The following SDK1 variants were observed in gnomAD, a reference collection of about 807,000 sequenced individuals.
The protein encoded by SDK1 is sidekick cell adhesion molecule 1.
Under a neutral mutation model 245.5 loss-of-function variants are expected in SDK1, and 157 were observed. The ratio of observed to expected loss-of-function variants is 0.64; its 90% CI spans 0.56 to 0.73. The LOEUF is 0.73. Among genes scored for constraint, SDK1 ranks in the 30% least tolerant of loss-of-function variants. The pLI is 0.00. For synonymous variants in SDK1, 1,647 were observed against 1,278.5 expected (o/e 1.29, Z -6.15); for missense variants, 3,583 against 3,002.3 (o/e 1.19, Z -4.52).
chr7:3,828,731 A>G (rs1029967418), intron 5 of SDK1, among the ~76,000 whole-genome samples: 1 of 144,526 alleles, frequency 6.9e-6, no homozygotes, highest in African/African-American at 2.6e-5. Context: ...GGCTCACTGC[A>G]GCCTCTAACT....
chr7:3,558,303 C>G (rs532095876), intron 1 of SDK1, among the ~76,000 whole-genome samples: 8 of 152,302 alleles, frequency 5.3e-5, no homozygotes, highest in African/African-American at 1.9e-4. Context: ...GAGTTTGGAA[C>G]CTAGGACACA....
intron 1 of SDK1, among the ~76,000 whole-genome samples, chr7:3,316,051 T>C (rs1349867192): frequency 1.3e-5 from 2 of 152,170 alleles, no homozygotes; most frequent in East Asian, 3.8e-4. Context: ...AACTCTAATA[T>C]AGAGTCAATT....
chr7:3,997,805 C>T (rs1022617936), intron 14 of SDK1, among the ~76,000 whole-genome samples: 1 of 152,148 alleles, frequency 6.6e-6, no homozygotes, highest in Non-Finnish European at 1.5e-5. Context: ...GGTGGGGCCT[C>T]ACCGGAGACC....
At chr7:3,661,924 G>T (rs1018016477) in intron 4 of SDK1, among the ~76,000 whole-genome samples, 9 of 151,998 alleles carry the variant, frequency 5.9e-5, no homozygotes, top group African/African-American at 1.7e-4. Flanking sequence ...AACTCTAGAG[G>T]GCTTAGACTA....
chr7:4,143,207 G>C (rs1225925004), intron 28 of SDK1, among the ~76,000 whole-genome samples: 1 of 152,140 alleles, frequency 6.6e-6, no homozygotes, highest in African/African-American at 2.4e-5. Context: ...GGGGCCTAAG[G>C]CACCACGCCC....
intron 1 of SDK1, among the ~76,000 whole-genome samples, chr7:3,519,752 A>T (rs1402876964): frequency 6.6e-6 from 1 of 152,190 alleles, no homozygotes. Flanking sequence ...GGTTATCATT[A>T]AATAAGAGGA....
At chr7:3,644,588 AC>A (rs1782761646) in intron 4 of SDK1, among the ~76,000 whole-genome samples, 1 of 150,788 alleles carries the variant, frequency 6.6e-6, no homozygotes, top group African/African-American at 2.4e-5. Context: ...ACATACTGAA[AC>A]CTTATCTCTA....
At chr7:4,241,414 C>T (rs1296679887) in intron 42 of SDK1, among the ~76,000 whole-genome samples, 3 of 152,116 alleles carry the variant, frequency 2.0e-5, no homozygotes, top group African/African-American at 7.2e-5. Context: ...GTGGAAGGAT[C>T]ACTTGAGCCC....
intron 2 of SDK1, among the ~76,000 whole-genome samples, chr7:3,636,545 T>C (rs1441544283): frequency 6.6e-6 from 1 of 152,240 alleles, no homozygotes; most frequent in African/African-American, 2.4e-5. Flanking sequence ...GATTTCCTTC[T>C]TTTTAAGACT....
At chr7:3,722,307 C>G (rs1778835422) in intron 4 of SDK1, among the ~76,000 whole-genome samples, 1 of 152,146 alleles carries the variant, frequency 6.6e-6, no homozygotes, top group Non-Finnish European at 1.5e-5. Flanking sequence ...ACAGGAGCCC[C>G]AAGAACAGTC....
At chr7:3,672,789 AT>A (rs1408521637) in intron 4 of SDK1, among the ~76,000 whole-genome samples, 1,374 of 106,494 alleles carry the variant, frequency 0.013, 27 homozygotes, top group South Asian at 0.027. Context: ...ATATATATAT[AT>A]ATATAAAAAA....
chr7:3,596,613 C>G (rs1175713407), intron 1 of SDK1, among the ~76,000 whole-genome samples: 1 of 152,230 alleles, frequency 6.6e-6, no homozygotes, highest in Non-Finnish European at 1.5e-5. Flanking sequence ...TCCAATTAAT[C>G]TCCATCCCTG....
intron 11 of SDK1, among the ~76,000 whole-genome samples, chr7:3,969,864 C>A (rs1198615948): frequency 1.3e-5 from 2 of 152,164 alleles, no homozygotes; most frequent in African/African-American, 4.8e-5. Context: ...TAGGAGTGAA[C>A]TGAAAGAAAA....
At chr7:3,929,782 T>G (rs1779908429) in intron 5 of SDK1, among the ~76,000 whole-genome samples, 1 of 151,508 alleles carries the variant, frequency 6.6e-6, no homozygotes, top group Non-Finnish European at 1.5e-5. Context: ...GGTGGAGAGG[T>G]GTATTAGCTG....
At chr7:3,704,162 T>C (rs921664018) in intron 4 of SDK1, among the ~76,000 whole-genome samples, 2 of 152,190 alleles carry the variant, frequency 1.3e-5, no homozygotes, top group Non-Finnish European at 2.9e-5. Context: ...TATTCCTGAG[T>C]TACTTCACTT....
intron 1 of SDK1, among the ~76,000 whole-genome samples, chr7:3,323,095 C>T (rs1779857353): frequency 6.6e-6 from 1 of 152,156 alleles, no homozygotes; most frequent in African/African-American, 2.4e-5. Context: ...AACCAATGCA[C>T]CAGACCAGGT....
intron 14 of SDK1, among the ~76,000 whole-genome samples, chr7:4,004,904 T>C (rs973244025): frequency 1.3e-5 from 2 of 152,098 alleles, no homozygotes; most frequent in African/African-American, 4.8e-5. Flanking sequence ...TGTGTCTCAC[T>C]GTGTCTTCAT....
chr7:3,793,015 C>T (rs1179986159), intron 4 of SDK1, among the ~76,000 whole-genome samples: 2 of 152,248 alleles, frequency 1.3e-5, no homozygotes, highest in South Asian at 4.2e-4. Flanking sequence ...CACAATGATA[C>T]TGAGAATTGT....
At chr7:3,321,473 G>A (rs890096380) in intron 1 of SDK1, among the ~76,000 whole-genome samples, 2 of 152,140 alleles carry the variant, frequency 1.3e-5, no homozygotes, top group African/African-American at 4.8e-5. Flanking sequence ...GCTTCCTATT[G>A]TAGGAACTCA....
Sources: allele counts gnomAD v4.1 joint callset (sites outside exome capture counted in the v4.1 genomes callset), GRCh38; gene constraint gnomAD v4.1.1; transcripts MANE v1.5; gene names NCBI Gene and HGNC (gene_info 2026-07-23, HGNC 2026-07-21).